FAR1: variants seen among roughly 807,000 people sequenced by gnomAD.
The protein encoded by FAR1 is fatty acyl-CoA reductase 1.
A neutral mutation model predicts 61.1 loss-of-function variants in FAR1; 22 were observed. The ratio of observed to expected loss-of-function variants is 0.36; its 90% CI spans 0.26 to 0.51. FAR1 has a LOEUF of 0.51. Among genes scored for constraint, FAR1 ranks in the 20% least tolerant of loss-of-function variants. The pLI is 0.95. For missense variants in FAR1, 359 were observed against 626.9 expected (o/e 0.57, Z 4.56); for synonymous variants, 206 against 209.7 (o/e 0.98, Z 0.15).
At chr11:13,716,479 G>A (rs1434391357) in intron 9 of FAR1, among the ~76,000 whole-genome samples, 1 of 152,188 alleles carries the variant, frequency 6.6e-6, no homozygotes, top group African/African-American at 2.4e-5. Context: ...AGATGAAAGA[G>A]GCCGGTGGGC....
intron 9 of FAR1, chr11:13,720,698 T>G (rs1848601290): frequency 6.6e-6 from 1 of 152,054 alleles, no homozygotes; most frequent in Non-Finnish European, 1.5e-5. Context: ...GCCCCTCCCA[T>G]TTCTAAAACC....
In FAR1 at chr11:13,713,821, A is replaced by G. The variant is rs115290010; in HGVS notation, c.956-688A>G. Among the ~76,000 whole-genome samples, 182 of 152,250 alleles carry G rather than the reference A, an allele frequency of 1.2e-3. 1 individual carries two copies. The highest frequency in any genetic ancestry group is 4.1e-3 in the African/African-American group (171 of 41,568). ...GCATATAAGAAAAAGATAAAATCTA[A>G]GGTGATTTTAACTTTATGATAATTA... On this transcript the variant is annotated intron_variant, in intron 8 of 11. Coordinates refer to ENST00000354817, the MANE Select transcript of FAR1 (RefSeq NM_032228.6).
intron 1 of FAR1, among the ~76,000 whole-genome samples, chr11:13,687,750 A>G (rs906133959): frequency 9.2e-5 from 14 of 152,232 alleles, no homozygotes; most frequent in Admixed American, 3.3e-4. Flanking sequence ...CTTGTCATAT[A>G]CACCATGGAA....
intron 3 of FAR1, among the ~76,000 whole-genome samples, chr11:13,703,669 G>C (rs184504296): frequency 1.6e-3 from 247 of 152,288 alleles, no homozygotes; most frequent in African/African-American, 5.5e-3. Flanking sequence ...GAGCTCACTT[G>C]TTTTCAGATG....
chr11:13,687,051 A>G (rs571938121), intron 1 of FAR1, among the ~76,000 whole-genome samples: 1 of 152,220 alleles, frequency 6.6e-6, no homozygotes, highest in Non-Finnish European at 1.5e-5. Flanking sequence ...ACTCCTAGCA[A>G]GTAAATATAT....
intron 2 of FAR1, among the ~76,000 whole-genome samples, chr11:13,699,264 T>C (rs990575130): frequency 6.6e-6 from 1 of 152,210 alleles, no homozygotes; most frequent in African/African-American, 2.4e-5. Flanking sequence ...GTACATTTAC[T>C]TGGACCAAAG....
At chr11:13,713,062 T>C in intron 8 of FAR1, 29 bp downstream of exon 8, 2 of 1,594,702 alleles carry the variant, frequency 1.3e-6, no homozygotes, top group Non-Finnish European at 1.7e-6. Context: ...TTTTGAATGT[T>C]AGAATAAATC....
At chr11:13,686,022 C>T (rs761579816) in intron 1 of FAR1, among the ~76,000 whole-genome samples, 3 of 152,178 alleles carry the variant, frequency 2.0e-5, no homozygotes, top group South Asian at 4.1e-4. Context: ...ACTCAATTCT[C>T]ATTCATGATG....
At chr11:13,705,990 A>G (rs1349630357) in intron 3 of FAR1, among the ~76,000 whole-genome samples, 3 of 152,214 alleles carry the variant, frequency 2.0e-5, no homozygotes, top group East Asian at 3.8e-4. Flanking sequence ...GATTCTATCT[A>G]TGACATCTCC....
At chr11:13,701,160 C>G (rs1278147351) in intron 3 of FAR1, among the ~76,000 whole-genome samples, 1 of 151,974 alleles carries the variant, frequency 6.6e-6, no homozygotes, top group African/African-American at 2.4e-5. Context: ...TAATGTTAAT[C>G]TAATTGTATA....
intron 9 of FAR1, among the ~76,000 whole-genome samples, chr11:13,717,348 A>G (rs1235694429): frequency 6.6e-6 from 1 of 152,204 alleles, no homozygotes. Flanking sequence ...CCATACGCCC[A>G]TCATAAATGA....
intron 9 of FAR1, among the ~76,000 whole-genome samples, chr11:13,716,620 C>T (rs1848560034): frequency 6.6e-6 from 1 of 152,160 alleles, no homozygotes; most frequent in Non-Finnish European, 1.5e-5. Flanking sequence ...CAGCTGATGG[C>T]TTCAAGGGGG....
At chr11:13,703,482 C>G (rs1848398712) in intron 3 of FAR1, among the ~76,000 whole-genome samples, 1 of 152,198 alleles carries the variant, frequency 6.6e-6, no homozygotes, top group Non-Finnish European at 1.5e-5. Context: ...GTTACTACAA[C>G]ATTAAGCCCA....
At chr11:13,674,495 T>A (rs1848044338) in intron 1 of FAR1, among the ~76,000 whole-genome samples, 1 of 152,144 alleles carries the variant, frequency 6.6e-6, no homozygotes, top group South Asian at 2.1e-4. Flanking sequence ...CCGTCTTCCT[T>A]GAATAGGTTG....
At chr11:13,699,180 A>C (rs893128227) in intron 2 of FAR1, among the ~76,000 whole-genome samples, 8 of 152,124 alleles carry the variant, frequency 5.3e-5, no homozygotes, top group African/African-American at 1.9e-4. Flanking sequence ...GTGGTCTTTT[A>C]AAGCTGGGTT....
intron 1 of FAR1, among the ~76,000 whole-genome samples, 185 bp from the exon 2 acceptor site, chr11:13,694,574 C>G (rs1455837688): frequency 1.3e-5 from 2 of 152,156 alleles, no homozygotes; most frequent in African/African-American, 4.8e-5. Context: ...TAAAAATAAG[C>G]TATAGTTCTC....
At chr11:13,727,533 C>A (rs772002100) in intron 10 of FAR1, 23 bp from the exon 11 acceptor site, 5 of 1,557,476 alleles carry the variant, frequency 3.2e-6, no homozygotes, top group South Asian at 1.2e-5. Context: ...AGAAAATAAT[C>A]AGTAATTTTT....
intron 3 of FAR1, among the ~76,000 whole-genome samples, chr11:13,705,572 G>C (rs1848423703): frequency 6.6e-6 from 1 of 152,000 alleles, no homozygotes; most frequent in African/African-American, 2.4e-5. Context: ...AAATGCAAAA[G>C]AAAATAGTGC....
chr11:13,673,241 G>A (rs10500794), intron 1 of FAR1, among the ~76,000 whole-genome samples: 13,670 of 152,244 alleles, frequency 0.09, 708 homozygotes, highest in South Asian at 0.13. Flanking sequence ...AAAGAGTTGC[G>A]TAAATTCATC....
Sources: gnomAD v4.1 joint callset for allele counts (sites outside exome capture counted in the v4.1 genomes callset) on GRCh38, gnomAD v4.1.1 for gene constraint, MANE v1.5 for transcripts, NCBI Gene and HGNC (gene_info 2026-07-23, HGNC 2026-07-21) for gene names.